Variants in SEPTIN7 observed in about 807,000 individuals in gnomAD.
SEPTIN7 encodes the protein septin-7.
A neutral mutation model predicts 63.3 loss-of-function variants in SEPTIN7; 10 were observed. The observed-to-expected ratio is 0.16, with a 90% CI of 0.10 to 0.27. The LOEUF (loss-of-function observed/expected upper bound fraction) is 0.27, where lower values mean the gene tolerates loss of function less well. Ranked by LOEUF, SEPTIN7 falls within the 10% of genes least tolerant of loss-of-function variation. SEPTIN7 has a pLI of 1.00. For synonymous variants in SEPTIN7, 131 were observed against 165.3 expected (o/e 0.79, Z 1.59); for missense variants, 310 against 521.0 (o/e 0.59, Z 3.94).
intron 9 of SEPTIN7, 22 bp downstream of exon 9, chr7:35,884,009 G>T: frequency 6.9e-7 from 1 of 1,439,912 alleles, no homozygotes; most frequent in South Asian, 1.1e-5. Context: ...TTCAGTGAAT[G>T]ACTTTCTAAA....
Position 35,822,519 on chromosome 7 carries a change from G to A in SEPTIN7, c.62-8973G>A, listed in dbSNP as rs115674787. On this transcript the variant is annotated intron_variant, in intron 1 of 13. Transcript: ENST00000350320. ...CACAATAGGGTTCACTCTCCAATGA[G>A]AATCTAATGCTGCCGCTGATCTGAC... is the stretch of plus-strand genomic sequence containing the variant. Among the ~76,000 whole-genome samples, 484 of 152,208 alleles carry A rather than the reference G, an allele frequency of 3.2e-3. 2 individuals carry two copies. Among genetic ancestry groups the A allele is most frequent in the African/African-American group, 0.011 (461 of 41,518 alleles).
intron 1 of SEPTIN7, among the ~76,000 whole-genome samples, chr7:35,810,771 G>GTT (rs757177376): frequency 4.9e-5 from 7 of 144,016 alleles, no homozygotes; most frequent in African/African-American, 7.6e-5. Flanking sequence ...GAGTTAATGA[G>GTT]TTTTTTTTTT....
chr7:35,858,045 A>G (rs1785296739), intron 3 of SEPTIN7, among the ~76,000 whole-genome samples: 1 of 151,866 alleles, frequency 6.6e-6, no homozygotes, highest in Admixed American at 6.6e-5. Flanking sequence ...TGGTTCAGGC[A>G]GTTCTCTTGC....
chr7:35,898,469 C>T, intron 12 of SEPTIN7, 86 bp downstream of exon 12: 1 of 850,126 alleles, frequency 1.2e-6, no homozygotes, highest in Non-Finnish European at 1.8e-6. Flanking sequence ...ATAATATAAC[C>T]TTTTTATACA....
chr7:35,804,279 G>A (rs1418657919), intron 1 of SEPTIN7, among the ~76,000 whole-genome samples: 2 of 152,118 alleles, frequency 1.3e-5, no homozygotes, highest in African/African-American at 4.8e-5. Flanking sequence ...GGTAGCATTC[G>A]GTGACTCTGC....
At chr7:35,908,496 G>A (rs183514020), downstream of SEPTIN7, among the ~76,000 whole-genome samples, 1 of 152,254 alleles carries the variant, frequency 6.6e-6, no homozygotes, top group Admixed American at 6.5e-5. Context: ...TTGGCCACAC[G>A]GAACCTCTTT....
At chr7:35,846,751 G>A (rs1304806609) in intron 3 of SEPTIN7, 2 of 155,912 alleles carry the variant, frequency 1.3e-5, no homozygotes. Context: ...TCCTAGAGTT[G>A]CAAAATTCTA....
chr7:35,863,435 T>C (rs1293727825), intron 3 of SEPTIN7, 117 bp from the exon 4 acceptor site: 1 of 600,884 alleles, frequency 1.7e-6, no homozygotes, highest in Non-Finnish European at 2.9e-6. Context: ...CTAATGTCAT[T>C]TCATTGTCTC....
At chr7:35,861,819 G>T (rs1029999588) in intron 3 of SEPTIN7, among the ~76,000 whole-genome samples, 1 of 152,178 alleles carries the variant, frequency 6.6e-6, no homozygotes, top group African/African-American at 2.4e-5. Context: ...CATTTGAAGG[G>T]AATGAATTGG....
At chr7:35,863,185 A>G (rs1007600438) in intron 3 of SEPTIN7, among the ~76,000 whole-genome samples, 3 of 152,144 alleles carry the variant, frequency 2.0e-5, no homozygotes, top group African/African-American at 7.2e-5. Flanking sequence ...ATTATTGTCT[A>G]TTAGTAAAGA....
intron 7 of SEPTIN7, 114 bp from the exon 8 acceptor site, chr7:35,882,370 T>A: frequency 1.4e-6 from 1 of 708,254 alleles, no homozygotes; most frequent in Non-Finnish European, 2.0e-6. Flanking sequence ...TAAAAAACAG[T>A]AAAGGATCTG....
chr7:35,874,855 C>T (rs1271988025), intron 6 of SEPTIN7, among the ~76,000 whole-genome samples: 1 of 152,078 alleles, frequency 6.6e-6, no homozygotes, highest in Non-Finnish European at 1.5e-5. Context: ...CTGACTCTGA[C>T]TTAAAAGGCT....
intron 8 of SEPTIN7, among the ~76,000 whole-genome samples, chr7:35,883,556 C>A (rs541759126): frequency 1.3e-4 from 19 of 142,112 alleles, no homozygotes; most frequent in African/African-American, 4.9e-4. Flanking sequence ...CTTTTTTTCC[C>A]CCAAATGCCA....
chr7:35,851,143 A>G (rs1784936118), intron 3 of SEPTIN7, among the ~76,000 whole-genome samples: 1 of 152,162 alleles, frequency 6.6e-6, no homozygotes, highest in Non-Finnish European at 1.5e-5. Context: ...GTGATAGAAT[A>G]TGTGGCTTTC....
chr7:35,825,715 A>T (rs1032111109), intron 1 of SEPTIN7, among the ~76,000 whole-genome samples: 1 of 152,152 alleles, frequency 6.6e-6, no homozygotes, highest in Non-Finnish European at 1.5e-5. Context: ...TATGCTTGGC[A>T]TATTGTAAGT....
chr7:35,859,563 T>C (rs1183478958), intron 3 of SEPTIN7, among the ~76,000 whole-genome samples: 1 of 152,224 alleles, frequency 6.6e-6, no homozygotes, highest in Middle Eastern at 3.2e-3. Flanking sequence ...CGTCTAGTTG[T>C]TCCGTCCGTT....
chr7:35,825,807 A>G (rs1246219419), intron 1 of SEPTIN7, among the ~76,000 whole-genome samples: 2 of 152,164 alleles, frequency 1.3e-5, no homozygotes, highest in Admixed American at 6.5e-5. Flanking sequence ...AGAAAAATTG[A>G]TTTAAATTTT....
rs137893177 is a variant in SEPTIN7, at chr7:35,905,363, G to A, written c.*1070G>A. The stretch of plus-strand genomic sequence containing the variant: ...CGATGTACAAGAGTAGAGTATGTTT[G>A]GGAAGAAACTTTTCAGCTTAAGTTT... On this transcript the variant is annotated 3_prime_UTR_variant, in exon 14 of 14. Coordinates refer to ENST00000350320, the MANE Select transcript of SEPTIN7 (RefSeq NM_001788.6). The A allele has an allele frequency of 5.6e-4, 86 of 152,510 alleles. 1 individual carries two copies. In the East Asian group the frequency reaches 0.016, roughly 28 times the overall value. The allele number at this position is 152,510 out of a possible 1,614,324, so 9.4% of individuals were successfully genotyped here.
At chr7:35,835,365 T>A (rs1784029190) in intron 3 of SEPTIN7, among the ~76,000 whole-genome samples, 5 of 152,206 alleles carry the variant, frequency 3.3e-5, no homozygotes, top group Admixed American at 2.6e-4. Context: ...TGCCAGGTAA[T>A]GTTTTCAGTA....
Sources: gnomAD v4.1 joint callset for allele counts (sites outside exome capture counted in the v4.1 genomes callset) on GRCh38, gnomAD v4.1.1 for gene constraint, MANE v1.5 for transcripts, NCBI Gene and HGNC (gene_info 2026-07-23, HGNC 2026-07-21) for gene names.